The following LIMA1 variants were observed in gnomAD, a reference collection of about 807,000 sequenced individuals.
LIMA1 encodes LIM domain and actin binding 1.
LIMA1 carries 52 observed loss-of-function variants against 62.6 expected under a neutral mutation model. The observed-to-expected ratio is 0.83, with a 90% CI of 0.67 to 1.05. LIMA1 has a LOEUF of 1.05. LIMA1 is among the 50% of genes least tolerant of loss of function. The pLI is 0.00. For missense variants in LIMA1, 780 were observed against 902.2 expected, an observed-to-expected ratio of 0.86 and a Z score of 1.74; for synonymous variants, 302 against 317.8, an observed-to-expected ratio of 0.95 and a Z score of 0.53.
At chr12:50,250,976 G>C (rs886959936) in intron 1 of LIMA1, among the ~76,000 whole-genome samples, 4 of 152,096 alleles carry the variant, frequency 2.6e-5, no homozygotes, top group Non-Finnish European at 4.4e-5. Flanking sequence ...TTTTCTTCCT[G>C]AACAAAATAA....
intron 1 of LIMA1, among the ~76,000 whole-genome samples, chr12:50,250,683 G>A (rs981651308): frequency 3.2e-4 from 49 of 151,748 alleles, no homozygotes; most frequent in African/African-American, 1.1e-3. Flanking sequence ...AATCCTTGTC[G>A]GAAAATAATA....
chr12:50,199,274 T>C (rs1940993331), intron 7 of LIMA1, among the ~76,000 whole-genome samples: 1 of 152,172 alleles, frequency 6.6e-6, no homozygotes, highest in Non-Finnish European at 1.5e-5. Context: ...GAGGTTGTAG[T>C]GAGCTGAGAT....
intron 4 of LIMA1, among the ~76,000 whole-genome samples, chr12:50,210,152 G>A (rs1444212036): frequency 3.9e-5 from 6 of 152,130 alleles, no homozygotes; most frequent in African/African-American, 1.4e-4. Flanking sequence ...GCCGGGTGCA[G>A]TGGCTCACAC....
At chr12:50,210,852 T>C (rs1432365374) in intron 4 of LIMA1, among the ~76,000 whole-genome samples, 1 of 152,190 alleles carries the variant, frequency 6.6e-6, no homozygotes, top group Non-Finnish European at 1.5e-5. Flanking sequence ...AACAAAGCCA[T>C]TTGGTCTCAG....
At chr12:50,179,226 C>T (rs1462718740) in intron 10 of LIMA1, among the ~76,000 whole-genome samples, 8 of 152,108 alleles carry the variant, frequency 5.3e-5, no homozygotes, top group Non-Finnish European at 7.4e-5. Context: ...ACTGCAACCT[C>T]TGCCTCCTGG....
intron 6 of LIMA1, among the ~76,000 whole-genome samples, chr12:50,203,637 T>A (rs1175190040): frequency 6.6e-6 from 1 of 152,094 alleles, no homozygotes; most frequent in African/African-American, 2.4e-5. Context: ...GGTCTTGAAC[T>A]CCTGACCTCA....
intron 9 of LIMA1, among the ~76,000 whole-genome samples, chr12:50,182,449 C>CTAA (rs1448535679): frequency 6.6e-6 from 1 of 152,086 alleles, no homozygotes; most frequent in Non-Finnish European, 1.5e-5. Flanking sequence ...AAGACAGATT[C>CTAA]TAAAGGGGAT....
chr12:50,282,865 T>C (rs1349223855), intron 1 of LIMA1, among the ~76,000 whole-genome samples: 2 of 152,196 alleles, frequency 1.3e-5, no homozygotes, highest in Admixed American at 1.3e-4. Flanking sequence ...AACACCAACA[T>C]ATGTCGGGGG....
chr12:50,227,920 C>T (rs934214841), intron 3 of LIMA1, among the ~76,000 whole-genome samples: 12 of 148,604 alleles, frequency 8.1e-5, no homozygotes, highest in Non-Finnish European at 1.5e-4. Flanking sequence ...AGTGCAGTGG[C>T]GCGGTCTTGG....
intron 3 of LIMA1, among the ~76,000 whole-genome samples, chr12:50,226,674 A>T (rs546951614): frequency 4.7e-4 from 72 of 152,182 alleles, no homozygotes; most frequent in Non-Finnish European, 9.3e-4. Flanking sequence ...CCCTGTCTCT[A>T]CTACAAATAC....
chr12:50,238,870 G>A lies in LIMA1; in HGVS notation c.120-7160C>T, dbSNP rs75711220. Among the ~76,000 whole-genome samples the A allele has an allele frequency of 8.9e-3, 1,333 of 148,962 alleles. 8 individuals carry two copies. Among genetic ancestry groups the A allele is most frequent in the Non-Finnish European group, 0.015 (996 of 67,138 alleles). On this transcript the variant is annotated intron_variant, in intron 2 of 10. Transcript: ENST00000341247. ...GTCTCACGAAGAAAAAAAAAATCAT[G>A]AAGAAAAAAAAAAAGAACATTATCA...
rs1433373223 is a variant in LIMA1, at chr12:50,204,675, G to A, written c.741C>T (p.Asp247=). 6.2e-7 allele frequency: 1 copy of A among 1,614,126 alleles called. No individual in the cohort carries two copies. Among genetic ancestry groups the A allele is most frequent in the Non-Finnish European group, 8.5e-7 (1 of 1,180,012 alleles). ...GPGQLSSSTF[D]SEKNESRRNL... ...TTCGTCTACTCTCATTTTTCTCCGAGTCAAATGTAGAAGATGACAACTGAC... is the reference window on the plus strand; with the variant it reads ...TTCGTCTACTCTCATTTTTCTCCGAATCAAATGTAGAAGATGACAACTGAC... Residue 247 remains aspartate, a synonymous_variant, in exon 6 of 11, where the codon GAC becomes GAT. Coordinates refer to ENST00000341247, the MANE Select transcript of LIMA1 (RefSeq NM_016357.5).
chr12:50,241,483 T>TA (rs903796206), intron 2 of LIMA1, among the ~76,000 whole-genome samples: 5 of 151,522 alleles, frequency 3.3e-5, no homozygotes, highest in Non-Finnish European at 5.9e-5. Flanking sequence ...AAACATAGAT[T>TA]AAAAAAAAAT....
At chr12:50,249,256 G>A (rs1454714261) in intron 1 of LIMA1, among the ~76,000 whole-genome samples, 1 of 152,194 alleles carries the variant, frequency 6.6e-6, no homozygotes, top group African/African-American at 2.4e-5. Context: ...GGTGTAATAG[G>A]AAGAGCAGGG....
chr12:50,191,384 G>A (rs1592501955), intron 9 of LIMA1: 3 of 145,880 alleles, frequency 2.1e-5, no homozygotes, highest in African/African-American at 7.6e-5. Context: ...AAAAAAGCCA[G>A]GCATGGTGGC....
intron 2 of LIMA1, among the ~76,000 whole-genome samples, chr12:50,241,748 A>G (rs1277588407): frequency 6.6e-6 from 1 of 152,034 alleles, no homozygotes; most frequent in Non-Finnish European, 1.5e-5. Context: ...GAGGCTCAAT[A>G]CTTCTGAATT....
At chr12:50,235,995 T>C (rs1941687545) in intron 2 of LIMA1, among the ~76,000 whole-genome samples, 2 of 151,962 alleles carry the variant, frequency 1.3e-5, no homozygotes, top group Admixed American at 6.6e-5. Context: ...CAAAACCCTG[T>C]CTCTACTAAA....
At chr12:50,251,688 G>A (rs7302422) in intron 1 of LIMA1, among the ~76,000 whole-genome samples, 39,755 of 150,486 alleles carry the variant, frequency 0.26, 5,985 homozygotes, top group East Asian at 0.64. Flanking sequence ...TTGAGATACC[G>A]AGCACGATAA....
intron 3 of LIMA1, among the ~76,000 whole-genome samples, chr12:50,228,903 AAT>A (rs1261805502): frequency 2.0e-5 from 3 of 152,150 alleles, no homozygotes; most frequent in African/African-American, 7.2e-5. Context: ...TACTTTTTGT[AAT>A]AGAGATGGGG....
Sources: gnomAD v4.1 joint callset for allele counts (sites outside exome capture counted in the v4.1 genomes callset) on GRCh38, gnomAD v4.1.1 for gene constraint, MANE v1.5 for transcripts, NCBI Gene and HGNC (gene_info 2026-07-23, HGNC 2026-07-21) for gene names.